The following OARD1 variants were observed in gnomAD, a reference collection of about 807,000 sequenced individuals.
OARD1 encodes ADP-ribose glycohydrolase OARD1.
Under a neutral mutation model 19.7 loss-of-function variants are expected in OARD1, and 19 were observed. The ratio of observed to expected loss-of-function variants is 0.96; its 90% CI spans 0.67 to 1.41. The LOEUF (loss-of-function observed/expected upper bound fraction) is 1.41, where lower values mean the gene tolerates loss of function less well. Ranked by LOEUF, OARD1 falls within the 40% of genes most tolerant of loss-of-function variation. The probability of loss-of-function intolerance (pLI) is 0.00; values close to 1 mark genes in which losing one functional copy is unlikely to be tolerated. For missense variants in OARD1, 190 were observed against 183.8 expected, an observed-to-expected ratio of 1.03 and a Z score of -0.20; for synonymous variants, 70 against 61.8, an observed-to-expected ratio of 1.13 and a Z score of -0.62.
At chr6:41,088,032 T>C (rs1350438653) in intron 1 of OARD1, among the ~76,000 whole-genome samples, 1 of 152,206 alleles carries the variant, frequency 6.6e-6, no homozygotes, top group Non-Finnish European at 1.5e-5. Flanking sequence ...TGAGTATTGG[T>C]AATTGGAAAC....
upstream of OARD1, among the ~76,000 whole-genome samples, chr6:41,077,102 G>T (rs1303080664): frequency 6.6e-6 from 1 of 152,154 alleles, no homozygotes; most frequent in Non-Finnish European, 1.5e-5. Context: ...ATTTAGTCTT[G>T]TAAAGATGTA....
At chr6:41,075,103 TTTGA>T (rs1763697646), upstream of OARD1, among the ~76,000 whole-genome samples, 1 of 152,238 alleles carries the variant, frequency 6.6e-6, no homozygotes, top group African/African-American at 2.4e-5. Flanking sequence ...TCTTAATTCA[TTTGA>T]TTGTCACGTT....
rs1297540668 is a variant in OARD1 at position 41,065,515 on chromosome 6, A to G, written c.*1820T>C. 1 of 152,176 alleles carries G rather than the reference A, an allele frequency of 6.6e-6. No homozygotes were observed. 9.4% of individuals were successfully genotyped at this position (152,176 alleles called of 1,614,324 possible). ...CCCACTCTCACTTTCAATTTTGTGT[A>G]TTTAGATAATCTCTCCTTCCTTTTT... On this transcript the variant is annotated 3_prime_UTR_variant, in exon 6 of 6. Coordinates refer to ENST00000424266, the MANE Select transcript of OARD1 (RefSeq NM_001329686.2).
chr6:41,069,769 T>C lies in OARD1; in HGVS notation c.243+307A>G, dbSNP rs1416595927. Reference sequence around the variant, plus strand: ...AGACATTATTGTTTTTATCTCACTCTGCCTAGGAAATATAGTATGGCAGGC... The same window carrying C: ...AGACATTATTGTTTTTATCTCACTCCGCCTAGGAAATATAGTATGGCAGGC... On this transcript the variant is annotated intron_variant, in intron 4 of 5. Coordinates refer to ENST00000424266, the MANE Select transcript of OARD1 (RefSeq NM_001329686.2). 1.4e-5 allele frequency: 5 copies of C among 359,248 alleles called. No individual in the cohort carries two copies. The East Asian group carries it at 3.3e-4, about 24-fold the overall frequency. The allele number at this position is 359,248 out of a possible 1,614,324, so 22.3% of individuals were successfully genotyped here. A position where few individuals can be genotyped will look rare whatever the true frequency, so the allele number is the denominator to read the frequency against.
intron 1 of OARD1, chr6:41,084,203 T>C (rs558998840): frequency 5.6e-6 from 9 of 1,613,236 alleles, no homozygotes; most frequent in South Asian, 1.1e-5. Flanking sequence ...GTGAGTAATA[T>C]TTAAAAATAT....
chr6:41,095,913 T>G (rs1168991820), intron 1 of OARD1, among the ~76,000 whole-genome samples: 2 of 152,226 alleles, frequency 1.3e-5, no homozygotes, highest in African/African-American at 4.8e-5. Context: ...GGGTTTAGTA[T>G]CCAGTTCTGA....
intron 1 of OARD1, chr6:41,089,472 C>G: frequency 7.8e-7 from 1 of 1,278,276 alleles, no homozygotes; most frequent in East Asian, 2.7e-5. Context: ...TTCTTTTTTC[C>G]TCTTCAGAAC....
At position 41,066,418 on chromosome 6, in the gene OARD1, G is replaced by T. The variant is rs1317198935; in HGVS notation, c.*917C>A. On this transcript the variant is annotated 3_prime_UTR_variant, in exon 6 of 6. Transcript: ENST00000424266. ...CAAAGTGCTGAGATGACAGGTATGA[G>T]AATTTTTTGAGAGGAAGTGGCCTTT... is the stretch of plus-strand genomic sequence containing the variant. 6.6e-6 allele frequency: 1 copy of T among 152,108 alleles called. No homozygotes were observed. Among genetic ancestry groups the T allele is most frequent in the Non-Finnish European group, 1.5e-5 (1 of 68,018 alleles). 9.4% of individuals were successfully genotyped at this position (152,108 alleles called of 1,614,324 possible).
Position 41,066,120 on chromosome 6 carries a change from C to T in OARD1, c.*1215G>A, listed in dbSNP as rs1040718061. 3 of 152,066 alleles carry T rather than the reference C, an allele frequency of 2.0e-5. No homozygotes were observed. Among genetic ancestry groups the T allele is most frequent in the African/African-American group, 4.8e-5 (2 of 41,342 alleles). 9.4% of individuals were successfully genotyped at this position (152,066 alleles called of 1,614,324 possible). A position where few individuals can be genotyped will look rare whatever the true frequency, so the allele number is the denominator to read the frequency against. The stretch of plus-strand genomic sequence containing the variant: ...AAACACAAAAGTGGCCATCCCACTC[C>T]ACCACCAAATTTTTTTTTTTAATTG... On this transcript the variant is annotated 3_prime_UTR_variant, in exon 6 of 6. Coordinates refer to ENST00000424266, the MANE Select transcript of OARD1 (RefSeq NM_001329686.2).
intron 1 of OARD1, among the ~76,000 whole-genome samples, chr6:41,086,724 A>G (rs753085645): frequency 6.6e-6 from 1 of 152,196 alleles, no homozygotes; most frequent in Non-Finnish European, 1.5e-5. Flanking sequence ...AACCAGAGAG[A>G]CAGCCAAGAA....
At chr6:41,080,677 A>C (rs1438179105) in intron 1 of OARD1, 3 of 625,436 alleles carry the variant, frequency 4.8e-6, no homozygotes, top group Non-Finnish European at 8.4e-6. Flanking sequence ...AAACAGCTTC[A>C]ATATAGGGAG....
intron 1 of OARD1, among the ~76,000 whole-genome samples, chr6:41,091,182 G>A (rs1308171731): frequency 1.3e-5 from 2 of 152,342 alleles, no homozygotes; most frequent in African/African-American, 2.4e-5. Flanking sequence ...TAAAATCTCT[G>A]TCCTGAAGCA....
At position 41,070,035 on chromosome 6, in the gene OARD1, AGAACTGGCCCTGAAAAAAAAAG is replaced by A; in HGVS notation, c.243+19_243+40del. The A allele has an allele frequency of 8.9e-7, 1 of 1,128,802 alleles. No individual in the cohort carries two copies. The highest frequency in any genetic ancestry group is 1.4e-6 in the Non-Finnish European group (1 of 736,956). The allele number at this position is 1,128,802 out of a possible 1,614,324, so 69.9% of individuals were successfully genotyped here. A position where few individuals can be genotyped will look rare whatever the true frequency, so the allele number is the denominator to read the frequency against. On this transcript the variant is annotated intron_variant, in intron 4 of 5. Transcript: ENST00000424266. Reference sequence around the variant, plus strand: ...GTTCACAAATCCTTAAAATGTATTAAGAACTGGCCCTGAAAAAAAAAGGAATTGGCCCCATCTTACCAAGTAA... The same window carrying A: ...GTTCACAAATCCTTAAAATGTATTAAGAATTGGCCCCATCTTACCAAGTAA...
upstream of OARD1, chr6:41,075,563 T>TA (rs1239774140): frequency 6.6e-6 from 1 of 152,230 alleles, no homozygotes; most frequent in African/African-American, 2.4e-5. Flanking sequence ...TTTTTCCTGT[T>TA]TAGTCCACTG....
intron 1 of OARD1, chr6:41,089,520 G>A (rs1475183149): frequency 1.4e-6 from 2 of 1,464,774 alleles, no homozygotes; most frequent in Non-Finnish European, 1.8e-6. Context: ...TAACTCTCGG[G>A]GACCAAAGGA....
intron 1 of OARD1, among the ~76,000 whole-genome samples, chr6:41,077,789 G>A (rs995645317): frequency 2.2e-4 from 33 of 152,266 alleles, no homozygotes; most frequent in East Asian, 5.8e-4. Context: ...TTTACCTAGC[G>A]AGCATTCCAT....
At chr6:41,087,346 G>GT (rs967412595) in intron 1 of OARD1, among the ~76,000 whole-genome samples, 7 of 152,086 alleles carry the variant, frequency 4.6e-5, no homozygotes, top group Non-Finnish European at 7.4e-5. Context: ...CCATTGACCT[G>GT]TTTTTTTCAC....
At chr6:41,073,449 G>A (rs775817385), upstream of OARD1, among the ~76,000 whole-genome samples, 40 of 152,002 alleles carry the variant, frequency 2.6e-4, no homozygotes, top group Non-Finnish European at 5.2e-4. Context: ...GGGGACACAT[G>A]CGCGCCCTGG....
intron 1 of OARD1, among the ~76,000 whole-genome samples, chr6:41,080,307 T>A (rs1228882612): frequency 6.7e-6 from 1 of 148,298 alleles, no homozygotes; most frequent in Non-Finnish European, 1.5e-5. Flanking sequence ...AAATAAAGTT[T>A]AAAAAAAAAA....
Sources: gnomAD v4.1 joint callset for allele counts (sites outside exome capture counted in the v4.1 genomes callset) on GRCh38, gnomAD v4.1.1 for gene constraint, MANE v1.5 for transcripts, NCBI Gene and HGNC (gene_info 2026-07-23, HGNC 2026-07-21) for gene names.